Variants in MPP7 observed in about 807,000 individuals in gnomAD.
MPP7 encodes the protein MAGUK p55 scaffold protein 7.
MPP7 carries 60 observed loss-of-function variants against 76.5 expected under a neutral mutation model. That is an observed-to-expected ratio of 0.78 (90% confidence interval 0.64 to 0.97). The LOEUF (loss-of-function observed/expected upper bound fraction) is 0.97, where lower values mean the gene tolerates loss of function less well. Ranked by LOEUF, MPP7 falls within the 50% of genes least tolerant of loss-of-function variation. The pLI is 0.00. For missense variants in MPP7, 641 were observed against 694.0 expected, an observed-to-expected ratio of 0.92 and a Z score of 0.86; for synonymous variants, 237 against 244.5, an observed-to-expected ratio of 0.97 and a Z score of 0.29.
intron 3 of MPP7, among the ~76,000 whole-genome samples, chr10:28,158,821 A>G (rs1836159230): frequency 6.6e-6 from 1 of 152,202 alleles, no homozygotes; most frequent in African/African-American, 2.4e-5. Context: ...GCACTTCCAC[A>G]AAGAGTAAGA....
intron 2 of MPP7, among the ~76,000 whole-genome samples, chr10:28,217,780 T>A (rs1447882242): frequency 6.6e-6 from 1 of 152,086 alleles, no homozygotes; most frequent in African/African-American, 2.4e-5. Context: ...TCATGCTTTG[T>A]AAAAGGGAAA....
At chr10:28,163,765 T>C (rs1836344949) in intron 3 of MPP7, among the ~76,000 whole-genome samples, 1 of 151,756 alleles carries the variant, frequency 6.6e-6, no homozygotes, top group African/African-American at 2.4e-5. Context: ...CTGGCCAACA[T>C]GGTGAAACCC....
chr10:28,308,371 T>G (rs1321457853), intron 2 of MPP7, among the ~76,000 whole-genome samples: 1 of 152,208 alleles, frequency 6.6e-6, no homozygotes, highest in Non-Finnish European at 1.5e-5. Flanking sequence ...ACAAATCAAG[T>G]TGCCTTCATG....
chr10:28,152,614 T>G (rs73608048), intron 3 of MPP7, among the ~76,000 whole-genome samples: 4,069 of 152,340 alleles, frequency 0.027, 151 homozygotes, highest in African/African-American at 0.09. Flanking sequence ...GCACTTGAGC[T>G]GTGGCTTGAC....
chr10:28,198,178 C>T (rs1363079715), intron 3 of MPP7, among the ~76,000 whole-genome samples: 1 of 152,106 alleles, frequency 6.6e-6, no homozygotes, highest in Non-Finnish European at 1.5e-5. Context: ...CATAACACAA[C>T]CATTTAAAAG....
At chr10:28,204,311 C>T (rs1407913663) in intron 2 of MPP7, among the ~76,000 whole-genome samples, 1 of 151,954 alleles carries the variant, frequency 6.6e-6, no homozygotes, top group African/African-American at 2.4e-5. Context: ...AGTGTGGTGG[C>T]ACACACCTGT....
intron 1 of MPP7, among the ~76,000 whole-genome samples, chr10:28,287,996 C>A (rs537625205): frequency 6.6e-6 from 1 of 152,262 alleles, no homozygotes; most frequent in African/African-American, 2.4e-5. Context: ...TTAAAACACG[C>A]CTCCATTTCC....
At chr10:28,307,942 C>T (rs752201597), upstream of MPP7, among the ~76,000 whole-genome samples, 12 of 152,274 alleles carry the variant, frequency 7.9e-5, no homozygotes, top group South Asian at 2.1e-4. Context: ...CTAAAATGTG[C>T]GCTTCCTTCT....
intron 3 of MPP7, among the ~76,000 whole-genome samples, chr10:28,174,254 T>C (rs1836784170): frequency 6.6e-6 from 1 of 151,780 alleles, no homozygotes; most frequent in Non-Finnish European, 1.5e-5. Context: ...TGGGGAGCCT[T>C]TTGGCCCCAC....
At chr10:28,304,328 A>G (rs561950764), upstream of MPP7, among the ~76,000 whole-genome samples, 2 of 152,290 alleles carry the variant, frequency 1.3e-5, no homozygotes, top group South Asian at 4.1e-4. Flanking sequence ...AAAACAGGCT[A>G]TTTGAAATTA....
chr10:28,086,147 C>T (rs11006847), intron 12 of MPP7, among the ~76,000 whole-genome samples: 46,443 of 151,674 alleles, frequency 0.31, 8,759 homozygotes, highest in East Asian at 0.88. Context: ...GGGGTGGGGG[C>T]AAGGGGAGGG....
chr10:28,241,037 A>G (rs1839250822), intron 1 of MPP7, among the ~76,000 whole-genome samples: 1 of 152,134 alleles, frequency 6.6e-6, no homozygotes. Flanking sequence ...CACATATGCT[A>G]TACCATGTAC....
At chr10:28,137,224 T>C (rs1229893138) in intron 5 of MPP7, among the ~76,000 whole-genome samples, 2 of 152,210 alleles carry the variant, frequency 1.3e-5, no homozygotes, top group African/African-American at 2.4e-5. Flanking sequence ...CTTAGAATTC[T>C]ATACCCAGCA....
chr10:28,154,749 G>C (rs112218852), intron 3 of MPP7, among the ~76,000 whole-genome samples: 1 of 140,248 alleles, frequency 7.1e-6, no homozygotes, highest in Non-Finnish European at 1.5e-5. Flanking sequence ...TTGGGGTGGG[G>C]GGTGGTGGGG....
intron 11 of MPP7, among the ~76,000 whole-genome samples, chr10:28,097,385 G>A (rs951622108): frequency 2.6e-5 from 4 of 151,722 alleles, no homozygotes; most frequent in African/African-American, 7.3e-5. Context: ...GATATTTGTC[G>A]GGCACATGTT....
chr10:28,089,917 A>C, intron 11 of MPP7, 76 bp from the exon 12 acceptor site: 1 of 802,036 alleles, frequency 1.2e-6, no homozygotes, highest in South Asian at 2.0e-5. Context: ...AAACCCTCAG[A>C]GTTGGGTTGG....
chr10:28,299,868 C>A (rs1246886435), intron 1 of MPP7, among the ~76,000 whole-genome samples: 2 of 149,970 alleles, frequency 1.3e-5, no homozygotes, highest in African/African-American at 4.9e-5. Flanking sequence ...TGGGTTCAGG[C>A]CAATTCTCCT....
intron 5 of MPP7, among the ~76,000 whole-genome samples, chr10:28,141,223 A>G (rs1835507736): frequency 1.3e-5 from 2 of 152,094 alleles, no homozygotes; most frequent in Admixed American, 1.3e-4. Context: ...TGAGACAACA[A>G]AACTTTGTAA....
At chr10:28,096,766 C>T (rs1853588940) in intron 11 of MPP7, among the ~76,000 whole-genome samples, 1 of 151,868 alleles carries the variant, frequency 6.6e-6, no homozygotes, top group Admixed American at 6.6e-5. Flanking sequence ...TTTTTAATTC[C>T]ATCTGGAATT....
Sources: gnomAD v4.1 joint callset for allele counts (sites outside exome capture counted in the v4.1 genomes callset) on GRCh38, gnomAD v4.1.1 for gene constraint, MANE v1.5 for transcripts, NCBI Gene and HGNC (gene_info 2026-07-23, HGNC 2026-07-21) for gene names.